ZZEF1: variants seen among roughly 807,000 people sequenced by gnomAD.
The protein encoded by ZZEF1 is zinc finger ZZ-type and EF-hand domain-containing protein 1.
ZZEF1 carries 157 observed loss-of-function variants against 342.8 expected under a neutral mutation model. The ratio of observed to expected loss-of-function variants is 0.46; its 90% CI spans 0.40 to 0.52. The LOEUF (loss-of-function observed/expected upper bound fraction) is 0.52, where lower values mean the gene tolerates loss of function less well. Among genes scored for constraint, ZZEF1 ranks in the 20% least tolerant of loss-of-function variants. The pLI, the probability that ZZEF1 is intolerant of heterozygous loss-of-function variation, is 0.00. For synonymous variants in ZZEF1, 1,505 were observed against 1,429.1 expected, an observed-to-expected ratio of 1.05 and a Z score of -1.20; for missense variants, 3,480 against 3,725.6, an observed-to-expected ratio of 0.93 and a Z score of 1.72.
intron 32 of ZZEF1, 31 bp downstream of exon 32, chr17:4,057,963 G>C (rs747115937): frequency 1.6e-5 from 26 of 1,602,092 alleles, no homozygotes; most frequent in Non-Finnish European, 5.1e-6. Flanking sequence ...ACCTACATTA[G>C]GAACTGCAGA....
chr17:4,015,746 A>C (rs2056083289), intron 49 of ZZEF1, among the ~76,000 whole-genome samples: 1 of 152,244 alleles, frequency 6.6e-6, no homozygotes, highest in South Asian at 2.1e-4. Context: ...CCTGGGCGAC[A>C]GAGTGAGACT....
chr17:4,112,763 T>C lies in ZZEF1; in HGVS notation c.912A>G (p.Ala304=), dbSNP rs2058334844. The C allele has an allele frequency of 6.2e-7, 1 of 1,605,868 alleles. No homozygotes were observed. Residue 304 remains alanine (A), a synonymous_variant, in exon 5 of 55, where the codon GCA becomes GCG. Coordinates refer to ENST00000381638, the MANE Select transcript of ZZEF1 (RefSeq NM_015113.4). ...PDVVLRHLSI[A]VAATDQSYMP... ...TGTAGCTCTGGTCAGTGGCAGCCAC[T>C]GCAATGGACAGGTGCCTAAGCACAA...
At position 4,032,212 on chromosome 17, in the gene ZZEF1, TCATTGGCATTATC is replaced by T; in HGVS notation, c.6793_6805del (p.Asp2265AsnfsTer5). 6.2e-7 allele frequency: 1 copy of T among 1,614,134 alleles called. No individual in the cohort carries two copies. The highest frequency in any genetic ancestry group is 8.5e-7 in the Non-Finnish European group (1 of 1,180,018). ...CTTCAAGATGATCACATTATGGGGT[TCATTGGCATTATC>T]CATATAAACGCAGCGGGTTCCCACA... On this transcript the variant is annotated frameshift_variant, in exon 42 of 55. Transcript: ENST00000381638. LOFTEE classifies it high-confidence loss of function.
In ZZEF1 at chr17:4,032,151, A is replaced by G; in HGVS notation, c.6867T>C (p.Asp2289=). Residue 2289 remains aspartate, a synonymous_variant, in exon 42 of 55, where the codon GAT becomes GAC. Coordinates refer to ENST00000381638, the MANE Select transcript of ZZEF1 (RefSeq NM_015113.4). ...FTEKNRAVIV[D]VKTRKRKTVK... is the part of the protein sequence containing the mutation. ...CTGTTTTCCTCTTCCGAGTTTTGAC[A>G]TCAACAATCACAGCCCTGTTCTTCT... 1 of 1,611,680 alleles carries G rather than the reference A, an allele frequency of 6.2e-7. No individual in the cohort carries two copies. Among genetic ancestry groups the G allele is most frequent in the South Asian group, 1.1e-5 (1 of 90,398 alleles).
At chr17:4,048,186 C>T (rs1188482429) in intron 37 of ZZEF1, among the ~76,000 whole-genome samples, 1 of 152,102 alleles carries the variant, frequency 6.6e-6, no homozygotes, top group African/African-American at 2.4e-5. Flanking sequence ...CCATCATAAT[C>T]CGTGGGTGGT....
chr17:4,086,733 AG>A lies in ZZEF1; in HGVS notation c.2343-79del. 4.1e-6 allele frequency: 6 copies of A among 1,475,394 alleles called. No homozygotes were observed. The South Asian group carries it at 7.3e-5, about 18-fold the overall frequency. 91.4% of individuals were successfully genotyped at this position (1,475,394 alleles called of 1,614,324 possible). On this transcript the variant is annotated intron_variant, in intron 14 of 54. Coordinates refer to ENST00000381638, the MANE Select transcript of ZZEF1 (RefSeq NM_015113.4). ...TCCAAAGCCATATAGCTGTCTACAA[AG>A]GACTTTCCTCTAGGCATCAGGCTCG...
At chr17:4,058,278 T>A (rs1234959948) in intron 31 of ZZEF1, 123 bp from the exon 32 acceptor site, 1 of 1,058,548 alleles carries the variant, frequency 9.4e-7, no homozygotes, top group African/African-American at 1.6e-5. Context: ...ATTGCTGGTT[T>A]GGGTTCCTTT....
In ZZEF1 at chr17:4,109,865, T is replaced by C; in HGVS notation, c.1067-2A>G. ...AACGCTTTATGTTAATCTGGACATC[T>C]GTCGAGCACAAACAAAAAATTCAGT... On this transcript the variant is annotated splice_acceptor_variant, in intron 5 of 54. Transcript: ENST00000381638. LOFTEE classifies it high-confidence loss of function. 1 of 1,614,066 alleles carries C rather than the reference T, an allele frequency of 6.2e-7. No individual in the cohort carries two copies. Among genetic ancestry groups the C allele is most frequent in the Non-Finnish European group, 8.5e-7 (1 of 1,179,964 alleles).
intron 11 of ZZEF1, among the ~76,000 whole-genome samples, chr17:4,093,384 C>T (rs1192379304): frequency 1.3e-5 from 2 of 152,220 alleles, no homozygotes; most frequent in Non-Finnish European, 2.9e-5. Flanking sequence ...AGAGACATTA[C>T]AAATGTGGAT....
chr17:4,102,291 T>G lies in ZZEF1; in HGVS notation c.1672+26A>C, dbSNP rs1438722549. 1.9e-6 allele frequency: 3 copies of G among 1,605,506 alleles called. No individual in the cohort carries two copies. In the Admixed American group the frequency reaches 5.0e-5, roughly 27 times the overall value. On this transcript the variant is annotated intron_variant, in intron 9 of 54. Coordinates refer to ENST00000381638, the MANE Select transcript of ZZEF1 (RefSeq NM_015113.4). The stretch of plus-strand genomic sequence containing the variant: ...GCTGACTCCTGTCTACCGAGCACAC[T>G]AGAAACAGACAGACCCACCACTCAC...
intron 1 of ZZEF1, among the ~76,000 whole-genome samples, chr17:4,134,495 C>T (rs929031331): frequency 1.3e-5 from 2 of 151,760 alleles, no homozygotes; most frequent in Non-Finnish European, 2.9e-5. Flanking sequence ...TGTAAACCAA[C>T]AGCAGCAATG....
intron 2 of ZZEF1, among the ~76,000 whole-genome samples, chr17:4,122,765 T>G (rs1166453269): frequency 2.6e-5 from 4 of 152,184 alleles, no homozygotes; most frequent in Non-Finnish European, 5.9e-5. Flanking sequence ...CAATTTCAGT[T>G]ACCTGTGGTC....
At chr17:4,129,993 G>A (rs950784076) in intron 1 of ZZEF1, among the ~76,000 whole-genome samples, 11 of 152,014 alleles carry the variant, frequency 7.2e-5, no homozygotes, top group South Asian at 2.1e-4. Context: ...AAGAAACAAC[G>A]GACCCTGGGG....
intron 33 of ZZEF1, among the ~76,000 whole-genome samples, chr17:4,055,959 T>A (rs1015861306): frequency 6.6e-6 from 1 of 152,056 alleles, no homozygotes; most frequent in African/African-American, 2.4e-5. Context: ...GCATGCGCGG[T>A]TTATTGTGGG....
chr17:4,096,065 GTTA>G, intron 10 of ZZEF1, 86 bp from the exon 11 acceptor site: 1 of 1,411,376 alleles, frequency 7.1e-7, no homozygotes, highest in African/African-American at 1.4e-5. Context: ...ATTCAAACAG[GTTA>G]AAACAAAACG....
At chr17:4,020,701 G>A (rs917763347) in intron 45 of ZZEF1, among the ~76,000 whole-genome samples, 1 of 152,128 alleles carries the variant, frequency 6.6e-6, no homozygotes, top group African/African-American at 2.4e-5. Context: ...CACAACTTCT[G>A]AAGTCCAAGC....
chr17:4,084,120 T>C (rs1187774473), intron 16 of ZZEF1, among the ~76,000 whole-genome samples: 2 of 152,334 alleles, frequency 1.3e-5, no homozygotes, highest in Admixed American at 1.3e-4. Context: ...TTATTCCGCA[T>C]TTTGAGAGGA....
In ZZEF1 at chr17:4,021,319, A is replaced by C. The variant is rs762066119; in HGVS notation, c.7214T>G (p.Ile2405Ser). 1 of 1,595,662 alleles carries C rather than the reference A, an allele frequency of 6.3e-7. No individual in the cohort carries two copies. The highest frequency in any genetic ancestry group is 8.6e-7 in the Non-Finnish European group (1 of 1,168,566). Reference protein sequence around the residue: ...SKTWLLRDLEILSIMLYSSKK... With the variant: ...SKTWLLRDLESLSIMLYSSKK... ...TGAGGAGTACAGCATGATGGACAAAATCTACACAGAAAGAAAATCCAGCTG... is the reference window on the plus strand; with the variant it reads ...TGAGGAGTACAGCATGATGGACAAACTCTACACAGAAAGAAAATCCAGCTG... The change falls in exon 45 of 55, where the codon ATT becomes AGT. Residue 2405 changes from isoleucine (I) to serine (S), a missense_variant and splice_region_variant. Physicochemically the swap from Ile to Ser is moderately radical, Grantham distance 142 (BLOSUM62 -2). This residue lies in a region of ZZEF1 where 1,269 missense variants were observed against 1,342.4 expected (regional missense o/e 0.95). Coordinates refer to ENST00000381638, the MANE Select transcript of ZZEF1 (RefSeq NM_015113.4).
At chr17:4,064,041 A>T (rs1463669571) in intron 29 of ZZEF1, among the ~76,000 whole-genome samples, 13 of 149,776 alleles carry the variant, frequency 8.7e-5, no homozygotes, top group African/African-American at 1.5e-4. Flanking sequence ...GCTAATTTTT[A>T]AAAAAAATTT....
Sources: gnomAD v4.1 joint callset for allele counts (sites outside exome capture counted in the v4.1 genomes callset) on GRCh38, gnomAD v4.1.1 for gene constraint, gnomAD v4.1.1 regional missense constraint, MANE v1.5 for transcripts, NCBI Gene and HGNC (gene_info 2026-07-23, HGNC 2026-07-21) for gene names.